GAS2: variants seen among roughly 807,000 people sequenced by gnomAD.
The protein encoded by GAS2 is growth arrest specific 2, also known as growth arrest-specific protein 2.
GAS2 carries 20 observed loss-of-function variants against 37.5 expected under a neutral mutation model. The ratio of observed to expected loss-of-function variants is 0.53; its 90% CI spans 0.37 to 0.77. The LOEUF (loss-of-function observed/expected upper bound fraction) is 0.77. Ranked by LOEUF, GAS2 falls within the 30% of genes least tolerant of loss-of-function variation. The probability of loss-of-function intolerance (pLI) is 0.00; values close to 1 mark genes in which losing one functional copy is unlikely to be tolerated. For synonymous variants in GAS2, 144 were observed against 132.2 expected (o/e 1.09, Z -0.61); for missense variants, 336 against 373.4 (o/e 0.90, Z 0.82).
intron 3 of GAS2, among the ~76,000 whole-genome samples, chr11:22,723,501 A>G (rs1852042131): frequency 6.6e-6 from 1 of 151,938 alleles, no homozygotes; most frequent in Non-Finnish European, 1.5e-5. Context: ...TATTCTTTCA[A>G]AATGTATCCC....
At chr11:22,643,731 T>C (rs1335165606) in intron 1 of GAS2, among the ~76,000 whole-genome samples, 1 of 152,114 alleles carries the variant, frequency 6.6e-6, no homozygotes, top group Non-Finnish European at 1.5e-5. Context: ...GGTTCTGTTT[T>C]TACCTTTGAA....
At chr11:22,687,939 C>T (rs1013970149) in intron 3 of GAS2, among the ~76,000 whole-genome samples, 4 of 152,156 alleles carry the variant, frequency 2.6e-5, no homozygotes, top group Non-Finnish European at 5.9e-5. Context: ...CTTGAATCCT[C>T]CAGAGTAGTA....
At chr11:22,723,598 T>A (rs2134150986) in intron 3 of GAS2, among the ~76,000 whole-genome samples, 1 of 152,020 alleles carries the variant, frequency 6.6e-6, no homozygotes, top group Non-Finnish European at 1.5e-5. Context: ...ATCATGTACC[T>A]CATGTCATTT....
chr11:22,762,950 C>G (rs997934511), intron 7 of GAS2, among the ~76,000 whole-genome samples: 2 of 152,064 alleles, frequency 1.3e-5, no homozygotes, highest in African/African-American at 4.8e-5. Flanking sequence ...ACTGGTATTA[C>G]GTCAAGACAT....
intron 5 of GAS2, among the ~76,000 whole-genome samples, chr11:22,746,816 G>T (rs1280330450): frequency 6.6e-6 from 1 of 152,130 alleles, no homozygotes; most frequent in Non-Finnish European, 1.5e-5. Context: ...ATATACCCAT[G>T]TAACAATTCT....
At chr11:22,683,262 T>TTTTA (rs202068238) in intron 2 of GAS2, among the ~76,000 whole-genome samples, 3,116 of 152,092 alleles carry the variant, frequency 0.02, 111 homozygotes, top group African/African-American at 0.07. Context: ...TCCAGTCGGA[T>TTTTA]TTTATTTATT....
intron 7 of GAS2, among the ~76,000 whole-genome samples, chr11:22,787,664 G>A (rs1855883014): frequency 1.3e-5 from 2 of 152,270 alleles, no homozygotes; most frequent in South Asian, 4.2e-4. Context: ...AGAAGCGTTG[G>A]GGGAAAAACA....
intron 3 of GAS2, among the ~76,000 whole-genome samples, chr11:22,706,923 A>G (rs929252550): frequency 1.3e-5 from 2 of 149,930 alleles, no homozygotes; most frequent in African/African-American, 2.5e-5. Flanking sequence ...GACTTCCACA[A>G]TGGTTGAACT....
intron 7 of GAS2, among the ~76,000 whole-genome samples, chr11:22,758,590 A>T (rs371764773): frequency 2.0e-5 from 3 of 152,264 alleles, no homozygotes; most frequent in East Asian, 3.9e-4. Context: ...AATTACCAGA[A>T]CACTAACTCA....
chr11:22,675,898 T>G (rs1286582029), intron 2 of GAS2, among the ~76,000 whole-genome samples: 1 of 152,200 alleles, frequency 6.6e-6, no homozygotes, highest in African/African-American at 2.4e-5. Context: ...CTTAGTAAGG[T>G]GCACCCTGTC....
At chr11:22,727,062 C>T (rs1050199318) in intron 4 of GAS2, among the ~76,000 whole-genome samples, 1 of 152,064 alleles carries the variant, frequency 6.6e-6, no homozygotes, top group Non-Finnish European at 1.5e-5. Context: ...GGCAAAGTCA[C>T]TTCCAAATCA....
At chr11:22,718,130 A>C (rs1851768346) in intron 3 of GAS2, among the ~76,000 whole-genome samples, 1 of 152,156 alleles carries the variant, frequency 6.6e-6, no homozygotes, top group Non-Finnish European at 1.5e-5. Context: ...GTATCTACCC[A>C]GAAGAAAATA....
At chr11:22,701,472 A>G (rs921115489) in intron 3 of GAS2, among the ~76,000 whole-genome samples, 2 of 152,102 alleles carry the variant, frequency 1.3e-5, no homozygotes, top group African/African-American at 2.4e-5. Flanking sequence ...TTTACTCTCT[A>G]TTAGGAAGAA....
intron 4 of GAS2, among the ~76,000 whole-genome samples, chr11:22,736,416 T>C (rs1852758017): frequency 6.6e-6 from 1 of 152,062 alleles, no homozygotes; most frequent in Non-Finnish European, 1.5e-5. Flanking sequence ...AATTTAATGG[T>C]GGGATTAGAA....
intron 7 of GAS2, among the ~76,000 whole-genome samples, chr11:22,789,638 AT>A (rs575999250): frequency 1.4e-5 from 2 of 146,384 alleles, no homozygotes; most frequent in Admixed American, 6.8e-5. Flanking sequence ...GTTTTTTTGT[AT>A]TTTTTTTAGT....
intron 7 of GAS2, among the ~76,000 whole-genome samples, chr11:22,798,355 G>A (rs1856522133): frequency 6.6e-6 from 1 of 151,974 alleles, no homozygotes; most frequent in African/African-American, 2.4e-5. Context: ...ACAACTATGG[G>A]AGGAAGGAAT....
chr11:22,643,996 C>G (rs980109936), intron 1 of GAS2, among the ~76,000 whole-genome samples: 22 of 151,978 alleles, frequency 1.4e-4, no homozygotes, highest in South Asian at 4.2e-4. Context: ...TCCAGACATA[C>G]AACCCAAAAT....
chr11:22,760,727 A>C (rs1854349106), intron 7 of GAS2, among the ~76,000 whole-genome samples: 1 of 152,194 alleles, frequency 6.6e-6, no homozygotes, highest in Non-Finnish European at 1.5e-5. Flanking sequence ...GAATAATAGA[A>C]AATAGTTTTT....
chr11:22,757,182 A>C (rs1854091941), intron 7 of GAS2, among the ~76,000 whole-genome samples: 1 of 152,064 alleles, frequency 6.6e-6, no homozygotes, highest in African/African-American at 2.4e-5. Flanking sequence ...ATGTAACCTA[A>C]TATCTTCAGT....
Sources: allele counts gnomAD v4.1 joint callset (sites outside exome capture counted in the v4.1 genomes callset), GRCh38; gene constraint gnomAD v4.1.1; transcripts MANE v1.5; gene names NCBI Gene and HGNC (gene_info 2026-07-23, HGNC 2026-07-21).